The following ADAM10 variants were observed in gnomAD, a reference collection of about 807,000 sequenced individuals.
The protein encoded by ADAM10 is ADAM metallopeptidase domain 10, also known as disintegrin and metalloproteinase domain-containing protein 10.
Under a neutral mutation model 90.1 loss-of-function variants are expected in ADAM10, and 17 were observed. That is an observed-to-expected ratio of 0.19 (90% confidence interval 0.13 to 0.28). ADAM10 has a LOEUF of 0.28. Among genes scored for constraint, ADAM10 ranks in the 10% least tolerant of loss-of-function variants. The probability of loss-of-function intolerance (pLI) is 1.00; values close to 1 mark genes in which losing one functional copy is unlikely to be tolerated. For synonymous variants in ADAM10, 310 were observed against 298.6 expected (o/e 1.04, Z -0.40); for missense variants, 610 against 914.3 (o/e 0.67, Z 4.29).
intron 3 of ADAM10, among the ~76,000 whole-genome samples, chr15:58,679,819 A>T (rs1897381245): frequency 6.6e-6 from 1 of 152,152 alleles, no homozygotes; most frequent in Admixed American, 6.5e-5. Flanking sequence ...GAGGCAGAAG[A>T]ATCACTTGAA....
chr15:58,682,869 C>T (rs1440906134), intron 2 of ADAM10, among the ~76,000 whole-genome samples: 1 of 151,878 alleles, frequency 6.6e-6, no homozygotes, highest in African/African-American at 2.4e-5. Context: ...TTGGGAATGC[C>T]GAAAGACCAG....
intron 7 of ADAM10, 146 bp from the exon 8 acceptor site, chr15:58,641,106 T>C: frequency 2.7e-6 from 2 of 753,314 alleles, no homozygotes; most frequent in South Asian, 3.1e-5. Context: ...TTGTTCCCAC[T>C]GCCCACATCC....
intron 2 of ADAM10, chr15:58,692,964 G>A (rs1274662259): frequency 1.3e-6 from 1 of 741,090 alleles, no homozygotes; most frequent in Non-Finnish European, 2.5e-6. Context: ...ATTCCCGAGG[G>A]TTGGGGATGA....
At chr15:58,703,205 G>C (rs183216212) in intron 2 of ADAM10, among the ~76,000 whole-genome samples, 2 of 147,360 alleles carry the variant, frequency 1.4e-5, no homozygotes, top group East Asian at 4.0e-4. Context: ...TAATTGTTTA[G>C]ACTTCGACTC....
Position 58,589,611 on chromosome 15 carries a change from T to C in ADAM10, c.*7936A>G, listed in dbSNP as rs1381484092. 1.3e-5 allele frequency: 2 copies of C among 152,226 alleles called. No individual in the cohort carries two copies. Among genetic ancestry groups the C allele is most frequent in the African/African-American group, 4.8e-5 (2 of 41,448 alleles). 9.4% of individuals were successfully genotyped at this position (152,226 alleles called of 1,614,324 possible). A position where few individuals can be genotyped will look rare whatever the true frequency, so the allele number is the denominator to read the frequency against. On this transcript the variant is annotated 3_prime_UTR_variant, in exon 16 of 16. Coordinates refer to ENST00000260408, the MANE Select transcript of ADAM10 (RefSeq NM_001110.4). ...GGGGGCTGTGAAAAATTGCAGCAGG[T>C]TGATAAGTGAATGGGAGCTGAAGTA...
chr15:58,618,572 G>C (rs1376229340), intron 11 of ADAM10, among the ~76,000 whole-genome samples: 1 of 152,156 alleles, frequency 6.6e-6, no homozygotes, highest in Non-Finnish European at 1.5e-5. Flanking sequence ...ACAGAGTGAA[G>C]AGACGATCTG....
At chr15:58,641,221 G>C (rs1485393515) in intron 7 of ADAM10, among the ~76,000 whole-genome samples, 3 of 152,208 alleles carry the variant, frequency 2.0e-5, no homozygotes, top group African/African-American at 7.2e-5. Flanking sequence ...GTATTCACCA[G>C]ATTCCTGAAC....
At chr15:58,640,742 T>A in intron 8 of ADAM10, 35 bp downstream of exon 8, 2 of 1,596,500 alleles carry the variant, frequency 1.3e-6, no homozygotes, top group Non-Finnish European at 1.7e-6. Flanking sequence ...TTGTTTCAAG[T>A]AGTAAGTTAA....
At chr15:58,686,689 A>C in intron 2 of ADAM10, 1 of 678,648 alleles carries the variant, frequency 1.5e-6, no homozygotes, top group Non-Finnish European at 2.7e-6. Flanking sequence ...TTCAAGTCTC[A>C]AGAAAACACT....
At chr15:58,695,671 A>G (rs1243987103) in intron 2 of ADAM10, among the ~76,000 whole-genome samples, 1 of 38,122 alleles carries the variant, frequency 2.6e-5, no homozygotes, top group African/African-American at 8.5e-5. Context: ...CAACAGAGCA[A>G]GACTTGTCTA....
intron 1 of ADAM10, among the ~76,000 whole-genome samples, chr15:58,734,854 A>G (rs1899375517): frequency 6.6e-6 from 1 of 152,198 alleles, no homozygotes; most frequent in African/African-American, 2.4e-5. Flanking sequence ...AGACAGAAAA[A>G]TATACATATA....
In ADAM10 at chr15:58,596,016, T is replaced by C. The variant is rs1341023602; in HGVS notation, c.*1531A>G. 6.6e-6 allele frequency: 1 copy of C among 152,074 alleles called. No individual in the cohort carries two copies. The highest frequency in any genetic ancestry group is 6.6e-5 in the Admixed American group (1 of 15,260). 9.4% of individuals were successfully genotyped at this position (152,074 alleles called of 1,614,324 possible). On this transcript the variant is annotated 3_prime_UTR_variant, in exon 16 of 16. Coordinates refer to ENST00000260408, the MANE Select transcript of ADAM10 (RefSeq NM_001110.4). ...GTTTACAAGGAAGAGATCCCGTTAT[T>C]TTCTCTAGCATTTTTGGCCTTGCTG...
intron 2 of ADAM10, among the ~76,000 whole-genome samples, chr15:58,694,745 T>TA (rs111891600): frequency 3.5e-3 from 481 of 139,272 alleles, no homozygotes; most frequent in South Asian, 4.9e-3. Context: ...ACTCAGAAAT[T>TA]AAAAAAAAAA....
intron 10 of ADAM10, among the ~76,000 whole-genome samples, chr15:58,623,506 C>G (rs544329426): frequency 5.0e-4 from 76 of 152,274 alleles, no homozygotes; most frequent in African/African-American, 1.8e-3. Flanking sequence ...CCATCTCTTT[C>G]GTTCTCAAAA....
intron 8 of ADAM10, among the ~76,000 whole-genome samples, chr15:58,636,894 A>G (rs551298372): frequency 1.1e-4 from 16 of 152,264 alleles, no homozygotes; most frequent in Non-Finnish European, 2.1e-4. Flanking sequence ...TACTCCCACA[A>G]GTGATACCAG....
chr15:58,680,505 T>C (rs1897404814), intron 3 of ADAM10, among the ~76,000 whole-genome samples: 1 of 152,220 alleles, frequency 6.6e-6, no homozygotes, highest in South Asian at 2.1e-4. Context: ...CTTTTAAAGA[T>C]ATTGGACAAA....
At position 58,659,000 on chromosome 15, in the gene ADAM10, G is replaced by A. The variant is rs574428372; in HGVS notation, c.585+6097C>T. 1.2e-4 allele frequency among the ~76,000 whole-genome samples: 19 copies of A among 152,156 alleles called. 1 individual carries two copies. The highest frequency in any genetic ancestry group is 3.1e-4 in the African/African-American group (13 of 41,534). Reference sequence around the variant, plus strand: ...AGAAGTTTTTATTCCTTGGCTGGGCGCAGTGGGCTCACACCTGTAATCTCG... The same window carrying A: ...AGAAGTTTTTATTCCTTGGCTGGGCACAGTGGGCTCACACCTGTAATCTCG... On this transcript the variant is annotated intron_variant, in intron 5 of 15. Transcript: ENST00000260408.
chr15:58,637,845 C>G (rs1359489337), intron 8 of ADAM10, among the ~76,000 whole-genome samples: 1 of 151,946 alleles, frequency 6.6e-6, no homozygotes, highest in Non-Finnish European at 1.5e-5. Context: ...TTTCTGAACA[C>G]AAGTTTCCTC....
intron 2 of ADAM10, chr15:58,692,072 A>T: frequency 2.1e-6 from 1 of 475,308 alleles, no homozygotes; most frequent in South Asian, 1.5e-5. Context: ...TTAAGAGTCA[A>T]CCATACCACG....
Sources: allele counts gnomAD v4.1 joint callset (sites outside exome capture counted in the v4.1 genomes callset), GRCh38; gene constraint gnomAD v4.1.1; transcripts MANE v1.5; gene names NCBI Gene and HGNC (gene_info 2026-07-23, HGNC 2026-07-21).